CENPU: variants seen among roughly 807,000 people sequenced by gnomAD.
CENPU encodes the protein KSHV latent nuclear antigen interacting protein 1.
CENPU carries 46 observed loss-of-function variants against 56.7 expected under a neutral mutation model. That is an observed-to-expected ratio of 0.81 (90% CI 0.64 to 1.04). The LOEUF (loss-of-function observed/expected upper bound fraction) is 1.04. Among genes scored for constraint, CENPU ranks in the 50% least tolerant of loss-of-function variants. The pLI, the probability that CENPU is intolerant of heterozygous loss-of-function variation, is 0.00. For synonymous variants in CENPU, 166 were observed against 163.0 expected (o/e 1.02, Z -0.14); for missense variants, 510 against 490.1 (o/e 1.04, Z -0.38).
chr4:184,733,763 C>T (rs1164906448), intron 1 of CENPU, among the ~76,000 whole-genome samples: 4 of 152,240 alleles, frequency 2.6e-5, no homozygotes, highest in African/African-American at 7.2e-5. Flanking sequence ...CTCCCCCTCC[C>T]CACAAAACGA....
chr4:184,695,558 T>C (rs1476267334), intron 12 of CENPU, among the ~76,000 whole-genome samples, 157 bp from the exon 13 acceptor site: 2 of 152,226 alleles, frequency 1.3e-5, no homozygotes, highest in Non-Finnish European at 2.9e-5. Flanking sequence ...TTGGTTTTAA[T>C]CCATTTCCCT....
chr4:184,713,033 T>A lies in CENPU; in HGVS notation c.619-20A>T. ...AGTTTTCTACAAAAAAAAAAAGCATTAAGTTTTTAAGAAAAGTTTTCTTTC... is the reference window on the plus strand; with the variant it reads ...AGTTTTCTACAAAAAAAAAAAGCATAAAGTTTTTAAGAAAAGTTTTCTTTC... On this transcript the variant is annotated intron_variant, in intron 6 of 12. Coordinates refer to ENST00000281453, the MANE Select transcript of CENPU (RefSeq NM_024629.4). 7.0e-7 allele frequency: 1 copy of A among 1,428,966 alleles called. No individual in the cohort carries two copies. The highest frequency in any genetic ancestry group is 9.6e-7 in the Non-Finnish European group (1 of 1,040,568). 88.5% of individuals were successfully genotyped at this position (1,428,966 alleles called of 1,614,324 possible).
At chr4:184,719,892 C>A (rs1761218047) in intron 4 of CENPU, among the ~76,000 whole-genome samples, 1 of 152,176 alleles carries the variant, frequency 6.6e-6, no homozygotes, top group African/African-American at 2.4e-5. Flanking sequence ...ATCTGGAAAG[C>A]CTTCCCACAA....
At chr4:184,711,284 T>C (rs1760916291) in intron 7 of CENPU, among the ~76,000 whole-genome samples, 1 of 152,212 alleles carries the variant, frequency 6.6e-6, no homozygotes, top group Non-Finnish European at 1.5e-5. Flanking sequence ...TAAAATTTTA[T>C]TTTTAATTGA....
At chr4:184,699,374 T>C (rs1171623579) in intron 11 of CENPU, among the ~76,000 whole-genome samples, 2 of 151,416 alleles carry the variant, frequency 1.3e-5, no homozygotes, top group East Asian at 1.9e-4. Context: ...CTTGTCTCAG[T>C]AGTCTCACAC....
At chr4:184,708,252 T>A (rs59139783) in intron 8 of CENPU, among the ~76,000 whole-genome samples, 5,846 of 121,144 alleles carry the variant, frequency 0.048, 392 homozygotes, top group African/African-American at 0.16. Context: ...AAAGCAGAAA[T>A]ATTAATATAA....
chr4:184,723,507 C>CAT (rs142885664), intron 4 of CENPU, among the ~76,000 whole-genome samples: 27,077 of 152,034 alleles, frequency 0.18, 2,696 homozygotes, highest in African/African-American at 0.26. Flanking sequence ...AAGTAGAGCA[C>CAT]GTTTTCCAAA....
At position 184,702,136 on chromosome 4, in the gene CENPU, G is replaced by A. The variant is rs773914779; in HGVS notation, c.877C>T (p.Leu293Phe). The change falls in exon 10 of 13, where the codon CTT (leucine) becomes TTT (phenylalanine). Residue 293 changes from leucine to phenylalanine, a missense_variant and splice_region_variant. Coordinates refer to ENST00000281453, the MANE Select transcript of CENPU (RefSeq NM_024629.4). ...VNVKEQFIKM[L>F]KESQMLTNLK... ...TTTGTCAACATCTGGCTTTCTTTAA[G>A]CTACACAAAACAAAAAATACACATG... 1.7e-5 allele frequency: 27 copies of A among 1,605,030 alleles called. No homozygotes were observed. Among genetic ancestry groups the A allele is most frequent in the Non-Finnish European group, 2.3e-5 (27 of 1,173,668 alleles).
intron 4 of CENPU, among the ~76,000 whole-genome samples, chr4:184,724,487 G>A (rs1761391139): frequency 6.6e-6 from 1 of 152,102 alleles, no homozygotes; most frequent in African/African-American, 2.4e-5. Flanking sequence ...GAGATTTTCT[G>A]GACCTATAGC....
rs1477529065 is a variant in CENPU at position 184,717,146 on chromosome 4, C to T, written c.371G>A (p.Ser124Asn). ...AATACTCCTACATACCTTTTTTGCA[C>T]TAATTTTTACAGATTCGATTTCACT... Reference protein sequence around the residue: ...EASEIESVKISAKKPGRKLRP... With the variant: ...EASEIESVKINAKKPGRKLRP... Residue 124 changes from serine to asparagine, a missense_variant, in exon 5 of 13, where the codon AGT (serine) becomes AAT (asparagine). Coordinates refer to ENST00000281453, the MANE Select transcript of CENPU (RefSeq NM_024629.4). 6.2e-7 allele frequency: 1 copy of T among 1,610,114 alleles called. No individual in the cohort carries two copies. The highest frequency in any genetic ancestry group is 1.3e-5 in the African/African-American group (1 of 74,880).
At chr4:184,713,811 G>A (rs1023704548) in intron 6 of CENPU, 1 of 152,190 alleles carries the variant, frequency 6.6e-6, no homozygotes, top group East Asian at 1.9e-4. Context: ...TTTCTAGATG[G>A]GGTATAGTGA....
intron 1 of CENPU, among the ~76,000 whole-genome samples, chr4:184,731,389 G>GGAGCCAGGAGGGAGAC (rs1264951628): frequency 6.6e-6 from 1 of 152,182 alleles, no homozygotes; most frequent in Non-Finnish European, 1.5e-5. Flanking sequence ...ACAGCAACAC[G>GGAGCCAGGAGGGAGAC]GAGCCAGGAG....
At position 184,710,170 on chromosome 4, in the gene CENPU, G is replaced by T; in HGVS notation, c.699C>A (p.Asp233Glu). The T allele has an allele frequency of 6.3e-7, 1 of 1,598,510 alleles. No individual in the cohort carries two copies. Among genetic ancestry groups the T allele is most frequent in the Non-Finnish European group, 8.6e-7 (1 of 1,168,418 alleles). Residue 233 changes from aspartate to glutamate, a missense_variant, in exon 8 of 13, where the codon GAC becomes GAA. Transcript: ENST00000281453. ...RSKAIGSDTS[D>E]IVHIWCPEGM... ...CTTCTGGACACCAAATGTGCACAATGTCAGAAGTATCTAAAATATTAAGAT... is the reference window on the plus strand; with the variant it reads ...CTTCTGGACACCAAATGTGCACAATTTCAGAAGTATCTAAAATATTAAGAT...
chr4:184,732,972 TGA>T (rs916508519), intron 1 of CENPU, among the ~76,000 whole-genome samples: 20 of 119,752 alleles, frequency 1.7e-4, no homozygotes, highest in African/African-American at 6.8e-4. Context: ...GGCCACAGAG[TGA>T]GACTCCGTCT....
At position 184,710,126 on chromosome 4, in the gene CENPU, A is replaced by G; in HGVS notation, c.743T>C (p.Ile248Thr). ...WCPEGMKTSD[I>T]KELNIVLPEF... Reference sequence around the variant, plus strand: ...AGGCAAAACAATATTCAACTCCTTGATGTCACTGGTTTTCATTCCTTCTGG... The same window carrying G: ...AGGCAAAACAATATTCAACTCCTTGGTGTCACTGGTTTTCATTCCTTCTGG... The change falls in exon 8 of 13, where the codon ATC becomes ACC. Residue 248 changes from isoleucine to threonine, a missense_variant. Physicochemically the swap from Ile to Thr is moderately conservative, Grantham distance 89 (BLOSUM62 -1). Coordinates refer to ENST00000281453, the MANE Select transcript of CENPU (RefSeq NM_024629.4). 2 of 1,611,932 alleles carry G rather than the reference A, an allele frequency of 1.2e-6. No homozygotes were observed. The highest frequency in any genetic ancestry group is 1.7e-6 in the Non-Finnish European group (2 of 1,178,830).
chr4:184,704,097 TTGAGA>T (rs1324732112), intron 8 of CENPU, among the ~76,000 whole-genome samples: 66 of 149,324 alleles, frequency 4.4e-4, no homozygotes, highest in African/African-American at 1.4e-3. Flanking sequence ...TTTTTTTTTT[TTGAGA>T]TAAGGTCTCA....
rs1491100516 is a variant in CENPU at position 184,731,881 on chromosome 4, C to CTGTGTGTGTGTG, written c.48-914_48-913insCACACACACACA. On this transcript the variant is annotated intron_variant, in intron 1 of 12. Coordinates refer to ENST00000281453, the MANE Select transcript of CENPU (RefSeq NM_024629.4). ...CTTCTGTATGCCCTTTACTCATGTG[C>CTGTGTGTGTGTG]TCTGTGTGTGTGTGTGTGTGTGTGT... Among the ~76,000 whole-genome samples the CTGTGTGTGTGTG allele has an allele frequency of 2.5e-3, 63 of 25,606 alleles. 1 individual carries two copies. Among genetic ancestry groups the CTGTGTGTGTGTG allele is most frequent in the African/African-American group, 5.0e-3 (39 of 7,726 alleles). 16.8% of individuals were successfully genotyped at this position (25,606 alleles called of 152,430 possible).
chr4:184,702,172 T>C (rs1760556611), intron 9 of CENPU, 36 bp from the exon 10 acceptor site: 3 of 1,509,478 alleles, frequency 2.0e-6, no homozygotes, highest in Non-Finnish European at 2.7e-6. Flanking sequence ...TACATCAGTT[T>C]CCAAAAGTAA....
At chr4:184,731,883 C>CTGTGTGTATGTGTG (rs1761659368) in intron 1 of CENPU, among the ~76,000 whole-genome samples, 1 of 146,640 alleles carries the variant, frequency 6.8e-6, no homozygotes, top group Admixed American at 6.8e-5. Flanking sequence ...CTCATGTGCT[C>CTGTGTGTATGTGTG]TGTGTGTGTG....
Sources: allele counts gnomAD v4.1 joint callset (sites outside exome capture counted in the v4.1 genomes callset), GRCh38; gene constraint gnomAD v4.1.1; transcripts MANE v1.5; gene names NCBI Gene and HGNC (gene_info 2026-07-23, HGNC 2026-07-21).